The following SERTAD1 variants were observed in gnomAD, a reference collection of about 807,000 sequenced individuals.
The protein encoded by SERTAD1 is SERTA domain containing 1.
Under a neutral mutation model 11.7 loss-of-function variants are expected in SERTAD1, and 5 were observed. That is an observed-to-expected ratio of 0.43 (90% confidence interval 0.22 to 0.90). SERTAD1 has a LOEUF of 0.90. SERTAD1 is among the 40% of genes least tolerant of loss of function. SERTAD1 has a pLI of 0.27. For missense variants in SERTAD1, 287 were observed against 313.9 expected (o/e 0.91, Z 0.65); for synonymous variants, 139 against 141.4 (o/e 0.98, Z 0.12).
At position 40,423,493 on chromosome 19, in the gene SERTAD1, A is replaced by G; in HGVS notation, c.54T>C (p.Pro18=). 3 of 1,612,546 alleles carry G rather than the reference A, an allele frequency of 1.9e-6. No individual in the cohort carries two copies. The highest frequency in any genetic ancestry group is 1.7e-6 in the Non-Finnish European group (2 of 1,179,876). Residue 18 remains proline (P), a synonymous_variant, in exon 2 of 2, where the codon CCT becomes CCC. Coordinates refer to ENST00000357949, the MANE Select transcript of SERTAD1 (RefSeq NM_013376.4). The stretch of plus-strand genomic sequence containing the variant: ...CTAGCCACCAGGAGTCGACTGCCAG[A>G]GGTTCCTTCTCCTCCTCCTCCTCCC... ...RKREEEEEKE[P]LAVDSWWLDP...
Position 40,423,453 on chromosome 19 carries a change from C to G in SERTAD1, c.94G>C (p.Ala32Pro), listed in dbSNP as rs776280103. Reference sequence around the variant, plus strand: ...ACGGCCGGGGGTGCCTGTGCCACCGCTGTGTGGCCAGGATCTAGCCACCAG... The same window carrying G: ...ACGGCCGGGGGTGCCTGTGCCACCGGTGTGTGGCCAGGATCTAGCCACCAG... ...DSWWLDPGHT[A>P]VAQAPPAVAS... Residue 32 changes from alanine to proline, a missense_variant, in exon 2 of 2, where the codon GCG becomes CCG. Coordinates refer to ENST00000357949, the MANE Select transcript of SERTAD1 (RefSeq NM_013376.4). 116 of 1,613,054 alleles carry G rather than the reference C, an allele frequency of 7.2e-5. 1 individual carries two copies. The South Asian group carries it at 1.2e-3, about 17-fold the overall frequency.
chr19:40,424,809 T>A (rs1599673796), intron 1 of SERTAD1, among the ~76,000 whole-genome samples: 1 of 152,050 alleles, frequency 6.6e-6, no homozygotes, highest in Admixed American at 6.6e-5. Context: ...GAGACCAGAT[T>A]GGGGAGCAGC....
chr19:40,425,503 T>C (rs978201150), intron 1 of SERTAD1, among the ~76,000 whole-genome samples: 1 of 152,088 alleles, frequency 6.6e-6, no homozygotes, highest in Non-Finnish European at 1.5e-5. Flanking sequence ...GGACCCCTTC[T>C]ACTGCCCCGA....
rs1281624568 is a variant in SERTAD1 at position 40,423,596 on chromosome 19, T to C, written c.1-50A>G. On this transcript the variant is annotated intron_variant, in intron 1 of 1. Transcript: ENST00000357949. ...GTTATAGTCAGTTATAGAAAACAAA[T>C]GTTAAGTTCAAAGCCTGGATCTGAC... is the stretch of plus-strand genomic sequence containing the variant. The C allele has an allele frequency of 4.9e-6, 6 of 1,235,604 alleles. No homozygotes were observed. The Admixed American group carries it at 1.1e-4, about 22-fold the overall frequency. The allele number at this position is 1,235,604 out of a possible 1,614,324, so 76.5% of individuals were successfully genotyped here. A position where few individuals can be genotyped will look rare whatever the true frequency, so the allele number is the denominator to read the frequency against.
chr19:40,423,336 C>T lies in SERTAD1; in HGVS notation c.211G>A (p.Val71Met), dbSNP rs905684702. ...EPDLRHLVLV[V>M]NTLRRIQASM... Reference sequence around the variant, plus strand: ...GCCTGGATGCGCCGCAGAGTGTTCACGACCAGCACCAGGTGCCGCAGGTCC... The same window carrying T: ...GCCTGGATGCGCCGCAGAGTGTTCATGACCAGCACCAGGTGCCGCAGGTCC... The change falls in exon 2 of 2, where the codon GTG (valine) becomes ATG (methionine). Residue 71 changes from valine to methionine, a missense_variant. By Grantham distance (21) the Val-to-Met change is conservative. Transcript: ENST00000357949. 6 of 1,612,630 alleles carry T rather than the reference C, an allele frequency of 3.7e-6. No homozygotes were observed. The highest frequency in any genetic ancestry group is 1.7e-5 in the Admixed American group (1 of 59,888).
chr19:40,425,414 A>G (rs888273750), intron 1 of SERTAD1, among the ~76,000 whole-genome samples: 5 of 151,262 alleles, frequency 3.3e-5, no homozygotes, highest in Admixed American at 1.3e-4. Flanking sequence ...CCCACCCCCG[A>G]CTCCGCCCCC....
chr19:40,423,424 G>C lies in SERTAD1; in HGVS notation c.123C>G (p.Ala41=). The C allele has an allele frequency of 6.2e-7, 1 of 1,613,270 alleles. No individual in the cohort carries two copies. Among genetic ancestry groups the C allele is most frequent in the Non-Finnish European group, 8.5e-7 (1 of 1,180,034 alleles). ...CTGAGAGGTCAAAGAGGGAGCTAGA[G>C]GCCACGGCCGGGGGTGCCTGTGCCA... ...TAVAQAPPAV[A]SSSLFDLSVL... is the part of the protein sequence containing the mutation. Residue 41 remains alanine, a synonymous_variant, in exon 2 of 2, where the codon GCC becomes GCG. Transcript: ENST00000357949.
In SERTAD1 at chr19:40,422,793, C is replaced by G; in HGVS notation, c.*43G>C. 1 of 1,527,980 alleles carries G rather than the reference C, an allele frequency of 6.5e-7. No homozygotes were observed. Among genetic ancestry groups the G allele is most frequent in the Non-Finnish European group, 8.8e-7 (1 of 1,136,192 alleles). 94.7% of individuals were successfully genotyped at this position (1,527,980 alleles called of 1,614,324 possible). A position where few individuals can be genotyped will look rare whatever the true frequency, so the allele number is the denominator to read the frequency against. On this transcript the variant is annotated 3_prime_UTR_variant, in exon 2 of 2. Coordinates refer to ENST00000357949, the MANE Select transcript of SERTAD1 (RefSeq NM_013376.4). ...TTTCGAGGACAGTTGGTCCAGCCAG[C>G]AGGCTCAGTTCAGATACCAGACAAC...
At position 40,423,119 on chromosome 19, in the gene SERTAD1, C is replaced by T. The variant is rs147951593; in HGVS notation, c.428G>A (p.Arg143His). Residue 143 changes from arginine to histidine, a missense_variant, in exon 2 of 2, where the codon CGT becomes CAT. Transcript: ENST00000357949. ...QPLADEGPPG[R>H]SIGGAAPSLG... ...GCTGGGCGCTGCTCCCCCGATGCTA[C>T]GGCCTGGTGGCCCCTCGTCTGCCAA... 42 of 1,600,520 alleles carry T rather than the reference C, an allele frequency of 2.6e-5. No homozygotes were observed. The highest frequency in any genetic ancestry group is 5.2e-5 in the Admixed American group (3 of 57,864).
Position 40,423,435 on chromosome 19 carries a change from G to T in SERTAD1, c.112C>A (p.Pro38Thr), listed in dbSNP as rs770291578. Residue 38 changes from proline to threonine, a missense_variant, in exon 2 of 2, where the codon CCG becomes ACG. Pro to Thr is a conservative substitution (Grantham distance 38, BLOSUM62 -1). Coordinates refer to ENST00000357949, the MANE Select transcript of SERTAD1 (RefSeq NM_013376.4). ...AAGAGGGAGCTAGAGGCCACGGCCGGGGGTGCCTGTGCCACCGCTGTGTGG... is the reference window on the plus strand; with the variant it reads ...AAGAGGGAGCTAGAGGCCACGGCCGTGGGTGCCTGTGCCACCGCTGTGTGG... ...PGHTAVAQAPPAVASSSLFDL... is the reference protein window; with the variant it reads ...PGHTAVAQAPTAVASSSLFDL... 1 of 1,613,206 alleles carries T rather than the reference G, an allele frequency of 6.2e-7. No individual in the cohort carries two copies. The highest frequency in any genetic ancestry group is 8.5e-7 in the Non-Finnish European group (1 of 1,180,026).
Position 40,423,231 on chromosome 19 carries a change from T to C in SERTAD1, c.316A>G (p.Ser106Gly), listed in dbSNP as rs370352296. The change falls in exon 2 of 2, where the codon AGC (serine) becomes GGC (glycine). Residue 106 changes from serine (S) to glycine (G), a missense_variant. By Grantham distance (56) the Ser-to-Gly change is moderately conservative. Coordinates refer to ENST00000357949, the MANE Select transcript of SERTAD1 (RefSeq NM_013376.4). The stretch of plus-strand genomic sequence containing the variant: ...GAGGCTGAAAGGGCAGCGTCCGAGC[T>C]TGCCAGTAAGTTGTCAGCCACACTG... ...APSVADNLLASSDAALSASMA... is the reference protein window; with the variant it reads ...APSVADNLLAGSDAALSASMA... 1.2e-6 allele frequency: 2 copies of C among 1,605,850 alleles called. No individual in the cohort carries two copies. The highest frequency in any genetic ancestry group is 2.7e-5 in the African/African-American group (2 of 74,798).
chr19:40,425,964 C>G lies in SERTAD1; in HGVS notation c.-98G>C, dbSNP rs573009166. The stretch of plus-strand genomic sequence containing the variant: ...TCGCTTGTTGGCTGTCCTCCGGAAA[C>G]CCGCGCCTGGGTCGCGAGACGCAGT... On this transcript the variant is annotated 5_prime_UTR_variant, in exon 1 of 2. Transcript: ENST00000357949. 2.6e-5 allele frequency: 4 copies of G among 152,404 alleles called. No homozygotes were observed. Among genetic ancestry groups the G allele is most frequent in the East Asian group, 1.9e-4 (1 of 5,176 alleles). The allele number at this position is 152,404 out of a possible 1,614,324, so 9.4% of individuals were successfully genotyped here.
At position 40,423,296 on chromosome 19, in the gene SERTAD1, G is replaced by A. The variant is rs930261032; in HGVS notation, c.251C>T (p.Ala84Val). The A allele has an allele frequency of 1.5e-5, 24 of 1,608,528 alleles. No individual in the cohort carries two copies. The highest frequency in any genetic ancestry group is 4.0e-5 in the African/African-American group (3 of 74,850). ...LRRIQASMAP[A>V]AALPPVPSPP... ...GCTAGGCACAGGTGGCAGGGCAGCC[G>A]CGGGTGCCATGGACGCCTGGATGCG... Residue 84 changes from alanine (A) to valine (V), a missense_variant, in exon 2 of 2, where the codon GCG becomes GTG. Coordinates refer to ENST00000357949, the MANE Select transcript of SERTAD1 (RefSeq NM_013376.4).
At position 40,423,054 on chromosome 19, in the gene SERTAD1, G is replaced by T; in HGVS notation, c.493C>A (p.Leu165Ile). The T allele has an allele frequency of 6.3e-7, 1 of 1,579,712 alleles. No individual in the cohort carries two copies. ...AGGCCCTCAAGCCCATCGTCCAGTA[G>T]ACAGCCAGTGGCTGGGCCCAGCAGG... The part of the protein sequence containing the change: ...LDLLGPATGC[L>I]LDDGLEGLFE... Residue 165 changes from leucine to isoleucine, a missense_variant, in exon 2 of 2, where the codon CTA becomes ATA. Leu to Ile is a conservative substitution (Grantham distance 5, BLOSUM62 2). Transcript: ENST00000357949.
chr19:40,424,083 T>C (rs1455455919), intron 1 of SERTAD1, among the ~76,000 whole-genome samples: 1 of 152,016 alleles, frequency 6.6e-6, no homozygotes, highest in Non-Finnish European at 1.5e-5. Flanking sequence ...GACTTTTTTA[T>C]CTGAAAAAAT....
At position 40,422,635 on chromosome 19, in the gene SERTAD1, C is replaced by G; in HGVS notation, c.*201G>C. Reference sequence around the variant, plus strand: ...CCCACCAGACCCTGTCATTCCATCACTAGGGGGTAATTCCAGGCTCCCCCT... The same window carrying G: ...CCCACCAGACCCTGTCATTCCATCAGTAGGGGGTAATTCCAGGCTCCCCCT... On this transcript the variant is annotated 3_prime_UTR_variant, in exon 2 of 2. Coordinates refer to ENST00000357949, the MANE Select transcript of SERTAD1 (RefSeq NM_013376.4). 1.7e-6 allele frequency: 1 copy of G among 588,200 alleles called. No individual in the cohort carries two copies. The highest frequency in any genetic ancestry group is 2.9e-5 in the East Asian group (1 of 34,268). The allele number at this position is 588,200 out of a possible 1,614,324, so 36.4% of individuals were successfully genotyped here.
Position 40,423,320 on chromosome 19 carries a change from C to A in SERTAD1, c.227G>T (p.Arg76Leu), listed in dbSNP as rs747053056. ...HLVLVVNTLRRIQASMAPAAA... is the reference protein window; with the variant it reads ...HLVLVVNTLRLIQASMAPAAA... Reference sequence around the variant, plus strand: ...CGCGGGTGCCATGGACGCCTGGATGCGCCGCAGAGTGTTCACGACCAGCAC... The same window carrying A: ...CGCGGGTGCCATGGACGCCTGGATGAGCCGCAGAGTGTTCACGACCAGCAC... The change falls in exon 2 of 2, where the codon CGC (arginine) becomes CTC (leucine). Residue 76 changes from arginine to leucine, a missense_variant. Physicochemically the swap from Arg to Leu is moderately radical, Grantham distance 102. Transcript: ENST00000357949. 3 of 1,610,252 alleles carry A rather than the reference C, an allele frequency of 1.9e-6. No homozygotes were observed. Among genetic ancestry groups the A allele is most frequent in the Admixed American group, 3.4e-5 (2 of 59,556 alleles).
intron 1 of SERTAD1, 45 bp downstream of exon 1, chr19:40,425,822 G>T (rs765835863): frequency 6.6e-6 from 1 of 152,224 alleles, no homozygotes; most frequent in Admixed American, 6.5e-5. Context: ...TGAAGGACCC[G>T]GCCGCTGGTA....
At chr19:40,423,619 G>A in intron 1 of SERTAD1, 73 bp from the exon 2 acceptor site, 6 of 980,054 alleles carry the variant, frequency 6.1e-6, no homozygotes, top group Non-Finnish European at 9.0e-6. Context: ...GCCTGGATCT[G>A]ACAGTTGCTG....
Sources: gnomAD v4.1 joint callset for allele counts (sites outside exome capture counted in the v4.1 genomes callset) on GRCh38, gnomAD v4.1.1 for gene constraint, MANE v1.5 for transcripts, NCBI Gene and HGNC (gene_info 2026-07-23, HGNC 2026-07-21) for gene names.